The following PMS1 variants were observed in gnomAD, a reference collection of about 807,000 sequenced individuals.
PMS1 encodes PMS1 homolog 1, mismatch repair system component, also known as PMS1 protein homolog 1.
PMS1 carries 79 observed loss-of-function variants against 93.1 expected under a neutral mutation model. That is an observed-to-expected ratio of 0.85 (90% confidence interval 0.71 to 1.02). The LOEUF is 1.02. PMS1 is among the 50% of genes least tolerant of loss of function. The probability of loss-of-function intolerance (pLI) is 0.00; values close to 1 mark genes in which losing one functional copy is unlikely to be tolerated. For synonymous variants in PMS1, 335 were observed against 363.4 expected (o/e 0.92, Z 0.89); for missense variants, 1,064 against 1,085.3 (o/e 0.98, Z 0.28).
intron 5 of PMS1, among the ~76,000 whole-genome samples, chr2:189,827,372 A>ATGG (rs1212789722): frequency 6.6e-6 from 1 of 152,240 alleles, no homozygotes; most frequent in Non-Finnish European, 1.5e-5. Context: ...ATGATCTCTA[A>ATGG]GGCCCTTTTT....
intron 9 of PMS1, chr2:189,857,448 C>G (rs1174222878): frequency 2.1e-6 from 1 of 468,438 alleles, no homozygotes; most frequent in Non-Finnish European, 4.4e-6. Flanking sequence ...GTACTAGCTA[C>G]CATTTCTCTT....
intron 6 of PMS1, among the ~76,000 whole-genome samples, chr2:189,847,356 A>G (rs1204746078): frequency 4.0e-5 from 6 of 151,816 alleles, no homozygotes; most frequent in African/African-American, 9.7e-5. Flanking sequence ...GAACCTCCCT[A>G]TTGTTATTAA....
At chr2:189,834,494 G>A (rs1436680767) in intron 5 of PMS1, among the ~76,000 whole-genome samples, 1 of 152,150 alleles carries the variant, frequency 6.6e-6, no homozygotes, top group Non-Finnish European at 1.5e-5. Flanking sequence ...ACTAAATTAT[G>A]TTTAATTGTT....
intron 5 of PMS1, among the ~76,000 whole-genome samples, chr2:189,834,715 A>G (rs1411911889): frequency 6.6e-6 from 1 of 152,126 alleles, no homozygotes. Context: ...TTACATTTTT[A>G]TTAATGTTTT....
At position 189,805,743 on chromosome 2, in the gene PMS1, A is replaced by G; in HGVS notation, c.407A>G (p.His136Arg). The change falls in exon 4 of 13, where the codon CAT (histidine) becomes CGT (arginine). Residue 136 changes from histidine (H) to arginine (R), a missense_variant. By Grantham distance (29) the His-to-Arg change is conservative (BLOSUM62 0). Coordinates refer to ENST00000441310, the MANE Select transcript of PMS1 (RefSeq NM_000534.5). Reference sequence around the variant, plus strand: ...CACATACTTTCTCAGAAACCTTCACATCTTGGTCAAGGTAAGAAAGTAGCT... The same window carrying G: ...CACATACTTTCTCAGAAACCTTCACGTCTTGGTCAAGGTAAGAAAGTAGCT... ...SGHILSQKPS[H>R]LGQGTTVTAL... 1.2e-6 allele frequency: 2 copies of G among 1,613,796 alleles called. No individual in the cohort carries two copies. Among genetic ancestry groups the G allele is most frequent in the Non-Finnish European group, 8.5e-7 (1 of 1,179,878 alleles).
intron 5 of PMS1, among the ~76,000 whole-genome samples, chr2:189,842,865 A>T (rs1029179988): frequency 2.0e-5 from 3 of 152,010 alleles, no homozygotes; most frequent in Admixed American, 2.0e-4. Flanking sequence ...AGCAGTTTTC[A>T]ATAAATACTT....
chr2:189,806,163 T>C, intron 4 of PMS1: 1 of 320,934 alleles, frequency 3.1e-6, no homozygotes, highest in Admixed American at 4.6e-5. Context: ...AATCTATTTG[T>C]TAATTGATGG....
rs1025563627 is a variant in PMS1 at position 189,854,510 on chromosome 2, T to G, written c.1238T>G (p.Ile413Ser). ...GATTGTTTAAATCACCAGATAAGTA[T>G]TGGTGACTTTGGTTATGGTCATTGT... is the stretch of plus-strand genomic sequence containing the variant. ...TDDCLNHQISIGDFGYGHCSS... is the reference protein window; with the variant it reads ...TDDCLNHQISSGDFGYGHCSS... The change falls in exon 9 of 13, where the codon ATT becomes AGT. Residue 413 changes from isoleucine to serine, a missense_variant. Transcript: ENST00000441310. 1.2e-5 allele frequency: 20 copies of G among 1,613,422 alleles called. No homozygotes were observed. Among genetic ancestry groups the G allele is most frequent in the Non-Finnish European group, 1.4e-5 (17 of 1,179,640 alleles).
At chr2:189,802,605 A>G (rs888231443) in intron 3 of PMS1, among the ~76,000 whole-genome samples, 1 of 152,198 alleles carries the variant, frequency 6.6e-6, no homozygotes, top group Non-Finnish European at 1.5e-5. Flanking sequence ...TTGTTTTTGT[A>G]TCACCTCACA....
At chr2:189,815,394 G>A (rs185302271) in intron 4 of PMS1, among the ~76,000 whole-genome samples, 26 of 152,250 alleles carry the variant, frequency 1.7e-4, no homozygotes, top group Admixed American at 3.9e-4. Context: ...GTTGAGGGAG[G>A]GACCCGTAAT....
At chr2:189,787,102 T>C (rs921127944) in intron 1 of PMS1, among the ~76,000 whole-genome samples, 1 of 152,118 alleles carries the variant, frequency 6.6e-6, no homozygotes, top group African/African-American at 2.4e-5. Flanking sequence ...GTTTGGGACA[T>C]GTTATGTTTA....
chr2:189,821,516 T>C (rs1018461070), intron 5 of PMS1, among the ~76,000 whole-genome samples: 6 of 142,726 alleles, frequency 4.2e-5, no homozygotes, highest in African/African-American at 1.6e-4. Context: ...TTAGAAAATA[T>C]AATAAGTGAA....
Position 189,855,192 on chromosome 2 carries a change from GTT to G in PMS1, c.1856+66_1856+67del, listed in dbSNP as rs2055181381. The G allele has an allele frequency of 7.3e-6, 10 of 1,375,472 alleles. No homozygotes were observed. The Admixed American group carries it at 8.6e-5, about 12-fold the overall frequency. The allele number at this position is 1,375,472 out of a possible 1,614,324, so 85.2% of individuals were successfully genotyped here. ...CTATTTCCATTCTATATGACTCACTGTTTAAAAAGAATTTTTTTCACTTCTTA... is the reference window on the plus strand; with the variant it reads ...CTATTTCCATTCTATATGACTCACTGTAAAAAGAATTTTTTTCACTTCTTA... On this transcript the variant is annotated intron_variant, in intron 9 of 12. Coordinates refer to ENST00000441310, the MANE Select transcript of PMS1 (RefSeq NM_000534.5).
intron 3 of PMS1, among the ~76,000 whole-genome samples, chr2:189,800,285 G>T (rs2049774407): frequency 6.6e-6 from 1 of 152,052 alleles, no homozygotes; most frequent in Non-Finnish European, 1.5e-5. Flanking sequence ...AGCATGATTA[G>T]AAATGTATTT....
chr2:189,788,954 A>C (rs965140747), intron 1 of PMS1, among the ~76,000 whole-genome samples: 2 of 152,128 alleles, frequency 1.3e-5, no homozygotes, highest in African/African-American at 4.8e-5. Flanking sequence ...AATTTGTGTG[A>C]ATGTTATGAT....
At position 189,818,058 on chromosome 2, in the gene PMS1, G is replaced by C; in HGVS notation, c.460G>C (p.Val154Leu). ...TTTAAGATTATTTAAGAATCTACCT[G>C]TAAGAAAGCAGTTTTACTCAACTGC... is the stretch of plus-strand genomic sequence containing the variant. Reference protein sequence around the residue: ...TALRLFKNLPVRKQFYSTAKK... With the variant: ...TALRLFKNLPLRKQFYSTAKK... The change falls in exon 5 of 13, where the codon GTA (valine) becomes CTA (leucine). Residue 154 changes from valine to leucine, a missense_variant. By Grantham distance (32) the Val-to-Leu change is conservative (BLOSUM62 1). Coordinates refer to ENST00000441310, the MANE Select transcript of PMS1 (RefSeq NM_000534.5). 6.2e-7 allele frequency: 1 copy of C among 1,608,900 alleles called. No individual in the cohort carries two copies. The highest frequency in any genetic ancestry group is 1.1e-5 in the South Asian group (1 of 90,848).
intron 3 of PMS1, among the ~76,000 whole-genome samples, chr2:189,797,060 G>T (rs2049425546): frequency 6.6e-6 from 1 of 152,114 alleles, no homozygotes; most frequent in South Asian, 2.1e-4. Flanking sequence ...TCTAAGGTTG[G>T]TGGTTTATAT....
chr2:189,812,471 T>C (rs1041837796), intron 4 of PMS1, among the ~76,000 whole-genome samples: 5 of 152,180 alleles, frequency 3.3e-5, no homozygotes, highest in African/African-American at 1.2e-4. Context: ...AAAATGATTC[T>C]ACATGGCAAC....
intron 3 of PMS1, among the ~76,000 whole-genome samples, chr2:189,802,449 G>A (rs980832664): frequency 3.3e-5 from 5 of 152,160 alleles, no homozygotes; most frequent in Non-Finnish European, 5.9e-5. Context: ...AGTAGGCTAA[G>A]GAAAGGGTAG....
Sources: gnomAD v4.1 joint callset for allele counts (sites outside exome capture counted in the v4.1 genomes callset) on GRCh38, gnomAD v4.1.1 for gene constraint, MANE v1.5 for transcripts, NCBI Gene and HGNC (gene_info 2026-07-23, HGNC 2026-07-21) for gene names.